Variants in KCMF1 observed in about 807,000 individuals in gnomAD.
KCMF1 encodes E3 ubiquitin-protein ligase KCMF1.
A neutral mutation model predicts 41.1 loss-of-function variants in KCMF1; 3 were observed. The observed-to-expected ratio is 0.07, with a 90% CI of 0.03 to 0.19. The LOEUF is 0.19. KCMF1 is among the 10% of genes least tolerant of loss of function. The probability of loss-of-function intolerance (pLI) is 1.00; values close to 1 mark genes in which losing one functional copy is unlikely to be tolerated. For missense variants in KCMF1, 286 were observed against 488.9 expected, an observed-to-expected ratio of 0.58 and a Z score of 3.91; for synonymous variants, 142 against 164.5, an observed-to-expected ratio of 0.86 and a Z score of 1.04.
At chr2:85,010,208 A>G (rs1397182707) in intron 1 of KCMF1, among the ~76,000 whole-genome samples, 1 of 152,178 alleles carries the variant, frequency 6.6e-6, no homozygotes, top group Non-Finnish European at 1.5e-5. Flanking sequence ...GTGGTGGCTC[A>G]CCCCTGTAAT....
At chr2:85,034,985 T>C in intron 2 of KCMF1, 31 bp from the exon 3 acceptor site, 1 of 1,553,424 alleles carries the variant, frequency 6.4e-7, no homozygotes, top group South Asian at 1.2e-5. Flanking sequence ...AAAACTAATA[T>C]TCCTCAATGC....
At chr2:85,008,423 A>ATATATATTATATATCATATTATATAT (rs1674568374) in intron 1 of KCMF1, among the ~76,000 whole-genome samples, 1 of 83,282 alleles carries the variant, frequency 1.2e-5, no homozygotes, top group Non-Finnish European at 2.6e-5. Context: ...ATATTATGTG[A>ATATATATTATATATCATATTATATAT]TATATATGAT....
At chr2:84,983,331 A>AT (rs541149453) in intron 1 of KCMF1, among the ~76,000 whole-genome samples, 146 of 148,604 alleles carry the variant, frequency 9.8e-4, no homozygotes, top group African/African-American at 2.0e-3. Flanking sequence ...AAAGTCTTAA[A>AT]TTTTTTTTTT....
chr2:84,973,386 G>A (rs891905507), intron 1 of KCMF1, among the ~76,000 whole-genome samples: 1 of 152,176 alleles, frequency 6.6e-6, no homozygotes, highest in Non-Finnish European at 1.5e-5. Context: ...GCTGTGCAAA[G>A]GTGTGTGGTT....
chr2:85,053,103 C>A, intron 6 of KCMF1, 45 bp from the exon 7 acceptor site: 6 of 1,540,094 alleles, frequency 3.9e-6, no homozygotes, highest in South Asian at 1.2e-5. Context: ...TGCCATTGTT[C>A]ATTGACTTTT....
At chr2:85,051,100 A>G (rs1675797554) in intron 6 of KCMF1, among the ~76,000 whole-genome samples, 1 of 152,250 alleles carries the variant, frequency 6.6e-6, no homozygotes, top group South Asian at 2.1e-4. Flanking sequence ...CTCGTTATCA[A>G]CATTTGTTAT....
rs1406388259 is a variant in KCMF1 at position 85,055,028 on chromosome 2, T to C, written c.*1619T>C. 1.3e-5 allele frequency: 2 copies of C among 152,256 alleles called. No individual in the cohort carries two copies. Among genetic ancestry groups the C allele is most frequent in the Non-Finnish European group, 2.9e-5 (2 of 68,040 alleles). The allele number at this position is 152,256 out of a possible 1,614,324, so 9.4% of individuals were successfully genotyped here. On this transcript the variant is annotated 3_prime_UTR_variant, in exon 7 of 7. Coordinates refer to ENST00000409785, the MANE Select transcript of KCMF1 (RefSeq NM_020122.5). The stretch of plus-strand genomic sequence containing the variant: ...ACTTCAAACTCCAACGATTTCCAAA[T>C]ACAATAGCTTTGTTTTCTTTAGTTC...
intron 1 of KCMF1, among the ~76,000 whole-genome samples, chr2:84,979,397 G>A (rs896421871): frequency 4.6e-5 from 7 of 151,822 alleles, no homozygotes; most frequent in African/African-American, 1.7e-4. Flanking sequence ...GATGGCAGGC[G>A]CCTGTAATCC....
At chr2:84,992,967 G>A (rs1674080301) in intron 1 of KCMF1, among the ~76,000 whole-genome samples, 1 of 152,136 alleles carries the variant, frequency 6.6e-6, no homozygotes, top group Admixed American at 6.5e-5. Flanking sequence ...GTCGAGGCAG[G>A]CAGGTCCCTT....
intron 1 of KCMF1, among the ~76,000 whole-genome samples, chr2:84,992,619 T>C (rs1216794861): frequency 2.0e-5 from 3 of 151,886 alleles, no homozygotes; most frequent in Non-Finnish European, 4.4e-5. Context: ...TTTATTTATA[T>C]GTGGTTTTTT....
intron 1 of KCMF1, among the ~76,000 whole-genome samples, chr2:85,020,601 T>C (rs1674908230): frequency 1.3e-5 from 2 of 152,060 alleles, no homozygotes; most frequent in African/African-American, 4.8e-5. Flanking sequence ...AATTTTTGTA[T>C]GTTTTTTGTA....
chr2:85,049,121 A>G (rs747277473), intron 5 of KCMF1, among the ~76,000 whole-genome samples: 10 of 152,234 alleles, frequency 6.6e-5, no homozygotes, highest in Admixed American at 1.3e-4. Flanking sequence ...TTTAAAGACA[A>G]TTTAAGTTTT....
chr2:85,011,899 C>G (rs1478530382), intron 1 of KCMF1, among the ~76,000 whole-genome samples: 1 of 152,136 alleles, frequency 6.6e-6, no homozygotes, highest in Non-Finnish European at 1.5e-5. Context: ...ATTAGCCCTC[C>G]CTGTCCCGCT....
At chr2:85,026,590 G>A (rs1291434837) in intron 1 of KCMF1, among the ~76,000 whole-genome samples, 1 of 151,798 alleles carries the variant, frequency 6.6e-6, no homozygotes, top group African/African-American at 2.4e-5. Flanking sequence ...CTGGGCTCAA[G>A]CATTCCTCCC....
intron 1 of KCMF1, among the ~76,000 whole-genome samples, chr2:85,025,422 A>G (rs561094612): frequency 6.6e-6 from 1 of 152,274 alleles, no homozygotes; most frequent in East Asian, 1.9e-4. Context: ...CAGTAGCATT[A>G]AGTATATTCA....
chr2:84,990,941 G>C (rs1674026798), intron 1 of KCMF1, among the ~76,000 whole-genome samples: 1 of 152,142 alleles, frequency 6.6e-6, no homozygotes, highest in Admixed American at 6.5e-5. Context: ...AAACCCAGTG[G>C]ATGGTTTTGA....
intron 5 of KCMF1, among the ~76,000 whole-genome samples, chr2:85,048,255 TG>T (rs1003988056): frequency 1.9e-4 from 29 of 152,324 alleles, no homozygotes; most frequent in African/African-American, 6.7e-4. Flanking sequence ...AAACTGAGTT[TG>T]GGGGATTTAA....
At chr2:85,040,056 T>G (rs757420212) in intron 3 of KCMF1, among the ~76,000 whole-genome samples, 2 of 152,142 alleles carry the variant, frequency 1.3e-5, no homozygotes, top group Admixed American at 6.6e-5. Context: ...CCTCAGGCAA[T>G]CCATCTGCCT....
At position 85,059,053 on chromosome 2, in the gene KCMF1, G is replaced by A. The variant is rs946878732; in HGVS notation, c.*5644G>A. The stretch of plus-strand genomic sequence containing the variant: ...AAGTGGACTGGACCAACAGACACAG[G>A]CCTCAGCCACTGTCGCTAGGGACTG... On this transcript the variant is annotated 3_prime_UTR_variant, in exon 7 of 7. Transcript: ENST00000409785. 6.6e-6 allele frequency: 1 copy of A among 152,152 alleles called. No homozygotes were observed. Among genetic ancestry groups the A allele is most frequent in the African/African-American group, 2.4e-5 (1 of 41,434 alleles). 9.4% of individuals were successfully genotyped at this position (152,152 alleles called of 1,614,324 possible).
Sources: gnomAD v4.1 joint callset for allele counts (sites outside exome capture counted in the v4.1 genomes callset) on GRCh38, gnomAD v4.1.1 for gene constraint, MANE v1.5 for transcripts, NCBI Gene and HGNC (gene_info 2026-07-23, HGNC 2026-07-21) for gene names.